PHF24: variants seen among roughly 807,000 people sequenced by gnomAD.
PHF24 encodes PHD finger protein 24, also known as Galpha inhibitory interacting protein.
A neutral mutation model predicts 42.6 loss-of-function variants in PHF24; 25 were observed. The ratio of observed to expected loss-of-function variants is 0.59; its 90% CI spans 0.43 to 0.82. The LOEUF is 0.82. PHF24 is among the 40% of genes least tolerant of loss of function. PHF24 has a pLI of 0.00. For synonymous variants in PHF24, 185 were observed against 204.8 expected, an observed-to-expected ratio of 0.90 and a Z score of 0.83; for missense variants, 470 against 538.1, an observed-to-expected ratio of 0.87 and a Z score of 1.25.
the PHF24 span, among the ~76,000 whole-genome samples, chr9:34,819,709 A>G: frequency 2.6e-5 from 4 of 152,144 alleles, no homozygotes; most frequent in Admixed American, 1.3e-4. Flanking sequence ...GTCTTATTTT[A>G]TGGCCCAGAA....
exon 8 of PHF24, chr9:34,978,224 C>A: frequency 1.3e-6 from 1 of 761,608 alleles, no homozygotes; most frequent in Non-Finnish European, 2.2e-6. Flanking sequence ...ACACTGCCAG[C>A]GTCTTAACTT....
chr9:34,972,130 GT>G (rs924369375), intron 2 of PHF24, among the ~76,000 whole-genome samples: 2 of 152,190 alleles, frequency 1.3e-5, no homozygotes, highest in African/African-American at 4.8e-5. Context: ...GTAGCTCCCT[GT>G]TCATAAACAT....
chr9:34,729,465 T>C, the PHF24 span: 3 of 1,524,880 alleles, frequency 2.0e-6, no homozygotes, highest in East Asian at 7.4e-5. Context: ...ACCATCCCTC[T>C]ATCTCGGAAT....
At chr9:34,691,052 C>T in the PHF24 span, 2 of 1,555,220 alleles carry the variant, frequency 1.3e-6, no homozygotes, top group Non-Finnish European at 1.7e-6. Flanking sequence ...ACTGCCAGCC[C>T]CCCACTGCCT....
chr9:34,828,012 C>T, the PHF24 span, among the ~76,000 whole-genome samples: 1 of 151,874 alleles, frequency 6.6e-6, no homozygotes, highest in African/African-American at 2.4e-5. Context: ...CCCTGCCCAC[C>T]TACACACTCA....
At chr9:34,775,438 A>G in the PHF24 span, among the ~76,000 whole-genome samples, 2 of 152,214 alleles carry the variant, frequency 1.3e-5, no homozygotes, top group Admixed American at 1.3e-4. Context: ...AGTTGGGATA[A>G]TGAAAATTTC....
the PHF24 span, chr9:34,835,246 A>C: frequency 6.4e-7 from 1 of 1,552,312 alleles, no homozygotes; most frequent in Non-Finnish European, 8.7e-7. Flanking sequence ...AAATGGTCTC[A>C]GATCTGTGAA....
At chr9:34,878,760 C>A in the PHF24 span, among the ~76,000 whole-genome samples, 1 of 152,202 alleles carries the variant, frequency 6.6e-6, no homozygotes, top group Admixed American at 6.5e-5. Context: ...AGGAGGCCTG[C>A]CTGCCTCTGT....
chr9:34,930,443 G>A, the PHF24 span, among the ~76,000 whole-genome samples: 331 of 152,318 alleles, frequency 2.2e-3, no homozygotes, highest in African/African-American at 7.5e-3. Flanking sequence ...CCAGAATCCT[G>A]TGGGCCTGGT....
At chr9:34,917,186 A>G in the PHF24 span, 1 of 1,446,730 alleles carries the variant, frequency 6.9e-7, no homozygotes, top group Non-Finnish European at 9.7e-7. Flanking sequence ...TGACCACCTC[A>G]GCATGTTCCC....
chr9:34,835,505 T>C, the PHF24 span: 1 of 1,551,928 alleles, frequency 6.4e-7, no homozygotes, highest in East Asian at 2.4e-5. Flanking sequence ...GTTCAGGGTT[T>C]CTGGGTTCAG....
chr9:34,844,533 T>C, the PHF24 span, among the ~76,000 whole-genome samples: 1 of 152,230 alleles, frequency 6.6e-6, no homozygotes, highest in Admixed American at 6.5e-5. Context: ...TTGTGATTTA[T>C]TTGATCCATT....
the PHF24 span, among the ~76,000 whole-genome samples, chr9:34,820,991 T>C: frequency 1.3e-5 from 2 of 152,216 alleles, no homozygotes; most frequent in African/African-American, 2.4e-5. Context: ...TCAGTGCTGT[T>C]GAGCATGTTT....
chr9:34,741,551 G>A, the PHF24 span, among the ~76,000 whole-genome samples: 25,879 of 151,778 alleles, frequency 0.17, 2,365 homozygotes, highest in Middle Eastern at 0.26. Flanking sequence ...TAGTAGACAC[G>A]GGGTTTCTCC....
chr9:34,787,878 A>T, the PHF24 span, among the ~76,000 whole-genome samples: 1 of 152,172 alleles, frequency 6.6e-6, no homozygotes, highest in Non-Finnish European at 1.5e-5. Context: ...CCTTGGTAAT[A>T]TTCCACCTGT....
At chr9:34,735,086 T>A in the PHF24 span, among the ~76,000 whole-genome samples, 2 of 152,034 alleles carry the variant, frequency 1.3e-5, no homozygotes, top group Admixed American at 1.3e-4. Context: ...ATAAAAATGA[T>A]TTAACTCAGT....
chr9:34,873,307 A>C, the PHF24 span, among the ~76,000 whole-genome samples: 33 of 151,840 alleles, frequency 2.2e-4, no homozygotes, highest in Middle Eastern at 0.01. Flanking sequence ...GGTATTGCCT[A>C]GGTTTTCTTC....
At chr9:34,940,511 G>C in the PHF24 span, among the ~76,000 whole-genome samples, 1 of 152,106 alleles carries the variant, frequency 6.6e-6, no homozygotes, top group African/African-American at 2.4e-5. Context: ...CAATACTTAG[G>C]GAGACTGAGT....
the PHF24 span, among the ~76,000 whole-genome samples, chr9:34,704,236 G>A: frequency 6.8e-6 from 1 of 147,948 alleles, no homozygotes; most frequent in Non-Finnish European, 1.5e-5. Context: ...TTGCTTCGTT[G>A]CCCAGGCTGG....
Sources: allele counts gnomAD v4.1 joint callset (sites outside exome capture counted in the v4.1 genomes callset), GRCh38; gene constraint gnomAD v4.1.1; transcripts MANE v1.5; gene names NCBI Gene and HGNC (gene_info 2026-07-23, HGNC 2026-07-21).